PDGFA: variants seen among roughly 807,000 people sequenced by gnomAD.
PDGFA encodes platelet-derived growth factor subunit A.
A neutral mutation model predicts 25.6 loss-of-function variants in PDGFA; 9 were observed. The ratio of observed to expected loss-of-function variants is 0.35; its 90% CI spans 0.21 to 0.61. The LOEUF is 0.61. Among genes scored for constraint, PDGFA ranks in the 20% least tolerant of loss-of-function variants. PDGFA has a pLI of 0.75. For missense variants in PDGFA, 242 were observed against 272.8 expected (o/e 0.89, Z 0.79); for synonymous variants, 133 against 111.8 (o/e 1.19, Z -1.20).
intron 4 of PDGFA, 67 bp downstream of exon 4, chr7:510,742 A>AGGAGAGGAGGGGAGG: frequency 5.0e-6 from 1 of 201,310 alleles, no homozygotes; most frequent in South Asian, 3.2e-5. Flanking sequence ...GGGAGGGGAG[A>AGGAGAGGAGGGGAGG]GGAGAGGAGG....
chr7:507,504 G>C (rs563975538), intron 4 of PDGFA, among the ~76,000 whole-genome samples: 1 of 152,220 alleles, frequency 6.6e-6, no homozygotes, highest in African/African-American at 2.4e-5. Context: ...GGGGGAGGGA[G>C]AGAACACTGC....
intron 4 of PDGFA, among the ~76,000 whole-genome samples, chr7:503,048 G>A (rs908916476): frequency 1.3e-5 from 2 of 152,050 alleles, no homozygotes; most frequent in Admixed American, 1.3e-4. Context: ...GTAGAGTATT[G>A]GCTCTCCCAG....
intron 4 of PDGFA, among the ~76,000 whole-genome samples, chr7:503,619 G>C (rs1782446194): frequency 6.6e-6 from 1 of 152,182 alleles, no homozygotes; most frequent in Non-Finnish European, 1.5e-5. Flanking sequence ...CCAGGGAGAA[G>C]GTCAGCTCTG....
intron 4 of PDGFA, among the ~76,000 whole-genome samples, chr7:506,197 C>G (rs1030426193): frequency 2.3e-5 from 3 of 128,222 alleles, no homozygotes; most frequent in Non-Finnish European, 5.1e-5. Context: ...AAAAATCCCT[C>G]AAGTCGGGCG....
chr7:512,691 G>C (rs1266362621), intron 2 of PDGFA: 2 of 1,441,936 alleles, frequency 1.4e-6, no homozygotes, highest in South Asian at 2.7e-5. Flanking sequence ...CGCCCCGTTA[G>C]CACAGAGGTC....
intron 4 of PDGFA, 94 bp from the exon 5 acceptor site, chr7:501,336 G>T: frequency 6.6e-7 from 1 of 1,505,798 alleles, no homozygotes; most frequent in Non-Finnish European, 9.2e-7. Flanking sequence ...AGAGGGAGGA[G>T]AGAGCAGCCT....
At chr7:510,947 A>G in exon 4 of PDGFA, 2 of 1,612,808 alleles carry the variant, frequency 1.2e-6, no homozygotes, top group Non-Finnish European at 1.7e-6. Context: ...GACTCCGAGG[A>G]ATCTCGTAAA....
rs149090369 is a variant in PDGFA, at chr7:510,830, G to C, written c.432C>G (p.Arg144=). The C allele has an allele frequency of 1.9e-6, 3 of 1,597,476 alleles. No individual in the cohort carries two copies. In the South Asian group the frequency reaches 3.4e-5, roughly 18 times the overall value. Residue 144 remains arginine (R), a synonymous_variant, in exon 4 of 6, where the codon CGC becomes CGG. Coordinates refer to ENST00000402802, the Ensembl canonical transcript of PDGFA. ...TCACCTTGACGCTGCGGTGGTGGAC[G>C]CGGGAGGGCTGGCACTTGACACTGC...
exon 1 of PDGFA, chr7:519,068 C>T: frequency 1.6e-6 from 2 of 1,280,874 alleles, no homozygotes; most frequent in Non-Finnish European, 2.2e-6. Flanking sequence ...CAGCCGGTCT[C>T]CTGTGGCGGC....
chr7:519,202 G>A (rs1364744201), exon 1 of PDGFA: 1 of 382,208 alleles, frequency 2.6e-6, no homozygotes, highest in Non-Finnish European at 4.7e-6. Flanking sequence ...CAGCCAGGAG[G>A]AGGAGAAACA....
In PDGFA at chr7:518,000, C is replaced by A. The variant is rs1345229538; in HGVS notation, c.64-510G>T. The stretch of plus-strand genomic sequence containing the variant: ...GAGGTCTCTCCGTCTCACAAACACA[C>A]GCACGCGCGCGCAGACACACACACG... On this transcript the variant is annotated intron_variant, in intron 1 of 5. Coordinates refer to ENST00000402802, the Ensembl canonical transcript of PDGFA. The surrounding 1 kb of genome is among the most constrained non-coding windows in gnomAD (Gnocchi z 7.4). 6.6e-6 allele frequency among the ~76,000 whole-genome samples: 1 copy of A among 152,108 alleles called. No homozygotes were observed. Among genetic ancestry groups the A allele is most frequent in the African/African-American group, 2.4e-5 (1 of 41,426 alleles).
At chr7:497,969 A>G (rs1282253005) in exon 6 of PDGFA, 2 of 133,746 alleles carry the variant, frequency 1.5e-5, no homozygotes, top group Non-Finnish European at 3.1e-5. Flanking sequence ...CAAAAAAAAA[A>G]AAAACAAAAC....
At chr7:505,751 C>T (rs1449223788) in intron 4 of PDGFA, among the ~76,000 whole-genome samples, 4 of 152,224 alleles carry the variant, frequency 2.6e-5, no homozygotes, top group African/African-American at 9.6e-5. Flanking sequence ...CTAGCCTGCA[C>T]TCCTTCTCAC....
chr7:498,840 G>A (rs1256956576), intron 5 of PDGFA, among the ~76,000 whole-genome samples: 1 of 152,180 alleles, frequency 6.6e-6, no homozygotes, highest in Non-Finnish European at 1.5e-5. Flanking sequence ...GTACAGATGG[G>A]GGAAACTGAG....
At chr7:514,711 A>G (rs1225011967) in intron 2 of PDGFA, among the ~76,000 whole-genome samples, 3 of 152,238 alleles carry the variant, frequency 2.0e-5, no homozygotes, top group Non-Finnish European at 4.4e-5. Context: ...CAGCCGCTCA[A>G]TGAACCACGG....
chr7:500,573 C>T lies in PDGFA; in HGVS notation c.580+543G>A. The T allele has an allele frequency of 1.2e-6, 2 of 1,609,934 alleles. No homozygotes were observed. ...GGGTGAAGAACTGAAGCAACAAATA[C>T]CTACGGCATTTGTTTATCTTTCCAG... On this transcript the variant is annotated intron_variant, in intron 5 of 5. Transcript: ENST00000402802. The surrounding 1 kb of genome is among the most constrained non-coding windows in gnomAD (Gnocchi z 5.0).
chr7:514,185 T>A (rs781237442), intron 2 of PDGFA, among the ~76,000 whole-genome samples: 6 of 152,186 alleles, frequency 3.9e-5, no homozygotes, highest in Non-Finnish European at 5.9e-5. Flanking sequence ...GTGGGTGCTA[T>A]CACTTCTTCA....
chr7:519,844 T>A (rs1426072225), upstream of PDGFA: 1 of 141,460 alleles, frequency 7.1e-6, no homozygotes, highest in Non-Finnish European at 1.5e-5. Flanking sequence ...AGGGCGCGCG[T>A]GTGGAGCCGG....
chr7:505,725 C>T (rs149807505), intron 4 of PDGFA, among the ~76,000 whole-genome samples: 7 of 152,200 alleles, frequency 4.6e-5, no homozygotes, highest in South Asian at 2.1e-4. Context: ...AGTCACACAG[C>T]GTTGAATCTC....
Sources: allele counts gnomAD v4.1 joint callset (sites outside exome capture counted in the v4.1 genomes callset), GRCh38; gene constraint gnomAD v4.1.1; non-coding constraint Gnocchi (gnomAD v3.1); transcripts MANE v1.5; gene names NCBI Gene and HGNC (gene_info 2026-07-23, HGNC 2026-07-21).